The following BAHCC1 variants were observed in gnomAD, a reference collection of about 807,000 sequenced individuals.
BAHCC1 encodes BAH domain and coiled-coil containing 1, also known as BAH and coiled-coil domain-containing protein 1.
In BAHCC1, 43 loss-of-function variants were observed where a neutral mutation model predicts 88.2. The ratio of observed to expected loss-of-function variants is 0.49; its 90% CI spans 0.38 to 0.63. The LOEUF (loss-of-function observed/expected upper bound fraction) is 0.63. Among genes scored for constraint, BAHCC1 ranks in the 20% least tolerant of loss-of-function variants. BAHCC1 has a pLI of 0.00. For missense variants in BAHCC1, 3,023 were observed against 1,654.8 expected, an observed-to-expected ratio of 1.83 and a Z score of -14.34; for synonymous variants, 1,510 against 745.5, an observed-to-expected ratio of 2.03 and a Z score of -16.71.
intron 3 of BAHCC1, among the ~76,000 whole-genome samples, chr17:81,433,091 T>C (rs928659409): frequency 6.6e-6 from 1 of 151,312 alleles, no homozygotes; most frequent in East Asian, 2.0e-4. Flanking sequence ...CTGAGGCAGC[T>C]GTGGGTCACC....
At position 81,442,283 on chromosome 17, in the gene BAHCC1, A is replaced by T. The variant is rs12938890; in HGVS notation, c.934A>T (p.Thr312Ser). ...CAGGMLGRPG[T>S]GVVTSGRCAK... Reference sequence around the variant, plus strand: ...AGGGGGCATGCTGGGGCGGCCTGGCACGGGGGTGGTGACCTCCGGGCGCTG... The same window carrying T: ...AGGGGGCATGCTGGGGCGGCCTGGCTCGGGGGTGGTGACCTCCGGGCGCTG... The change falls in exon 5 of 28, where the codon ACG becomes TCG. Residue 312 changes from threonine (T) to serine (S), a missense_variant. Thr to Ser is a moderately conservative substitution (Grantham distance 58, BLOSUM62 1). Coordinates refer to ENST00000675386, the MANE Select transcript of BAHCC1 (RefSeq NM_001377448.1). 1.6e-6 allele frequency: 1 copy of T among 622,792 alleles called. No homozygotes were observed. The allele number at this position is 622,792 out of a possible 1,614,324, so 38.6% of individuals were successfully genotyped here.
At chr17:81,436,907 G>A (rs1176242146) in intron 3 of BAHCC1, among the ~76,000 whole-genome samples, 6 of 152,198 alleles carry the variant, frequency 3.9e-5, no homozygotes, top group African/African-American at 1.4e-4. Flanking sequence ...CGCCCTACAC[G>A]ACTCCAAATG....
chr17:81,455,532 C>T (rs782002239), intron 15 of BAHCC1, 142 bp downstream of exon 15: 34 of 606,968 alleles, frequency 5.6e-5, no homozygotes, highest in African/African-American at 1.3e-4. Flanking sequence ...CTCCGAGCGC[C>T]GACAGCAGGA....
intron 2 of BAHCC1, among the ~76,000 whole-genome samples, chr17:81,423,777 C>T (rs575812810): frequency 3.3e-5 from 5 of 152,346 alleles, no homozygotes; most frequent in East Asian, 1.9e-4. Flanking sequence ...GAGGCTCCCT[C>T]GGGCTGGCCT....
At position 81,442,708 on chromosome 17, in the gene BAHCC1, G is replaced by C. The variant is rs1555652925; in HGVS notation, c.1359G>C (p.Arg453=). 3.9e-6 allele frequency: 3 copies of C among 775,256 alleles called. No homozygotes were observed. The highest frequency in any genetic ancestry group is 2.3e-4 in the Middle Eastern group (1 of 4,426). 48.0% of individuals were successfully genotyped at this position (775,256 alleles called of 1,614,324 possible). A position where few individuals can be genotyped will look rare whatever the true frequency, so the allele number is the denominator to read the frequency against. ...HLKAEGKGER[R]PGGFEAALNP... ...AGGCCGAGGGCAAGGGCGAGCGGCG[G>C]CCTGGGGGCTTTGAGGCGGCCCTCA... The change falls in exon 5 of 28, where the codon CGG becomes CGC. Residue 453 remains arginine, a synonymous_variant. Transcript: ENST00000675386.
In BAHCC1 at chr17:81,447,275, T is replaced by C. The variant is rs1555654739; in HGVS notation, c.3403T>C (p.Tyr1135His). 1 of 715,624 alleles carries C rather than the reference T, an allele frequency of 1.4e-6. No homozygotes were observed. The highest frequency in any genetic ancestry group is 2.6e-6 in the Non-Finnish European group (1 of 389,692). The allele number at this position is 715,624 out of a possible 1,614,324, so 44.3% of individuals were successfully genotyped here. Reference sequence around the variant, plus strand: ...CACCCAGGACCTTGCCGCCACCCCCTACCCTACCGAGCGGGGACCCCAGGG... The same window carrying C: ...CACCCAGGACCTTGCCGCCACCCCCCACCCTACCGAGCGGGGACCCCAGGG... ...EATQDLAATP[Y>H]PTERGPQGKA... The change falls in exon 11 of 28, where the codon TAC becomes CAC. Residue 1135 changes from tyrosine (Y) to histidine (H), a missense_variant. Tyr to His is a moderately conservative substitution (Grantham distance 83). Transcript: ENST00000675386.
rs182331920 is a variant in BAHCC1, at chr17:81,443,424, C to T, written c.2075C>T (p.Thr692Met). The T allele has an allele frequency of 3.9e-4, 299 of 761,178 alleles. 1 individual carries two copies. The highest frequency in any genetic ancestry group is 3.7e-3 in the East Asian group (149 of 40,166). The allele number at this position is 761,178 out of a possible 1,614,324, so 47.2% of individuals were successfully genotyped here. The change falls in exon 5 of 28, where the codon ACG becomes ATG. Residue 692 changes from threonine to methionine, a missense_variant. Transcript: ENST00000675386. ...GCCCGCAGCAGGGAGCACGACACCA[C>T]GCACGGCGACGGGGAGGTGCGGCAG... ...DCARSREHDT[T>M]HGDGEVRQPP...
rs782011876 is a variant in BAHCC1, at chr17:81,457,383, A to G, written c.4859-27A>G. 5.3e-6 allele frequency: 4 copies of G among 753,664 alleles called. No individual in the cohort carries two copies. The South Asian group carries it at 5.7e-5, about 11-fold the overall frequency. 46.7% of individuals were successfully genotyped at this position (753,664 alleles called of 1,614,324 possible). On this transcript the variant is annotated intron_variant, in intron 16 of 27. Transcript: ENST00000675386. Reference sequence around the variant, plus strand: ...CAATGGCACAGCTTACCATCAAGTCATCAGGACCCCTCTGCCTCTCTCCCA... The same window carrying G: ...CAATGGCACAGCTTACCATCAAGTCGTCAGGACCCCTCTGCCTCTCTCCCA...
intron 3 of BAHCC1, among the ~76,000 whole-genome samples, chr17:81,431,069 G>A (rs1443135805): frequency 6.7e-6 from 1 of 149,748 alleles, no homozygotes; most frequent in African/African-American, 2.5e-5. Context: ...GGGGGTGGAG[G>A]GGACAGCGTG....
rs1555654965 is a variant in BAHCC1, at chr17:81,447,705, C to T, written c.3833C>T (p.Pro1278Leu). The change falls in exon 11 of 28, where the codon CCA (proline) becomes CTA (leucine). Residue 1278 changes from proline to leucine, a missense_variant. Pro to Leu is a moderately conservative substitution (Grantham distance 98, BLOSUM62 -3). Transcript: ENST00000675386. The part of the protein sequence containing the change: ...INLGDLPSDS[P>L]PDPQPPAASG... Reference sequence around the variant, plus strand: ...CTGGGGGACCTGCCCAGCGACAGCCCACCGGACCCTCAGCCCCCAGCGGCC... The same window carrying T: ...CTGGGGGACCTGCCCAGCGACAGCCTACCGGACCCTCAGCCCCCAGCGGCC... 1 of 734,794 alleles carries T rather than the reference C, an allele frequency of 1.4e-6. No homozygotes were observed. Among genetic ancestry groups the T allele is most frequent in the Non-Finnish European group, 2.5e-6 (1 of 395,430 alleles). 45.5% of individuals were successfully genotyped at this position (734,794 alleles called of 1,614,324 possible).
chr17:81,409,814 G>C (rs6565565), intron 2 of BAHCC1, among the ~76,000 whole-genome samples: 5 of 152,198 alleles, frequency 3.3e-5, no homozygotes, highest in East Asian at 3.9e-4. Flanking sequence ...GTGCCAGCGA[G>C]GGGGAGACCA....
chr17:81,453,467 C>T (rs555610007), intron 14 of BAHCC1, among the ~76,000 whole-genome samples: 3 of 152,348 alleles, frequency 2.0e-5, no homozygotes, highest in Admixed American at 6.5e-5. Context: ...CTAAATGGTT[C>T]CTTCAATTAA....
rs1041339613 is a variant in BAHCC1, at chr17:81,455,332, C to T, written c.4511C>T (p.Ala1504Val). The T allele has an allele frequency of 1.1e-5, 8 of 717,100 alleles. No homozygotes were observed. Among genetic ancestry groups the T allele is most frequent in the Middle Eastern group, 2.3e-4 (1 of 4,370 alleles). 44.4% of individuals were successfully genotyped at this position (717,100 alleles called of 1,614,324 possible). A position where few individuals can be genotyped will look rare whatever the true frequency, so the allele number is the denominator to read the frequency against. ...ELRGGSGGEP[A>V]KKRSKLERSV... The stretch of plus-strand genomic sequence containing the variant: ...CGAGGAGGCAGTGGGGGCGAGCCTG[C>T]GAAGAAGCGAAGCAAGCTGGAGAGG... Residue 1504 changes from alanine (A) to valine (V), a missense_variant, in exon 15 of 28, where the codon GCG becomes GTG. Physicochemically the swap from Ala to Val is moderately conservative, Grantham distance 64. Transcript: ENST00000675386.
At chr17:81,420,842 G>A (rs1245257250) in intron 2 of BAHCC1, among the ~76,000 whole-genome samples, 1 of 152,260 alleles carries the variant, frequency 6.6e-6, no homozygotes, top group Admixed American at 6.5e-5. Flanking sequence ...TGTGATGAGA[G>A]CTGATGGGAA....
intron 2 of BAHCC1, chr17:81,415,432 C>T (rs1294791692): frequency 2.4e-6 from 1 of 421,924 alleles, no homozygotes; most frequent in African/African-American, 2.1e-5. Context: ...CATACGTCCC[C>T]CTGGAAGGGT....
chr17:81,433,238 G>A (rs990290180), intron 3 of BAHCC1, among the ~76,000 whole-genome samples: 2 of 152,054 alleles, frequency 1.3e-5, no homozygotes, highest in Admixed American at 6.5e-5. Context: ...CTCATGTCCC[G>A]GGAGCTGCAC....
chr17:81,425,899 G>A (rs1290491800), intron 2 of BAHCC1, among the ~76,000 whole-genome samples: 3 of 148,890 alleles, frequency 2.0e-5, no homozygotes, highest in Admixed American at 1.3e-4. Flanking sequence ...GTGGTTGGTG[G>A]GTGATGTCAT....
intron 3 of BAHCC1, among the ~76,000 whole-genome samples, chr17:81,429,125 TG>T (rs1352308974): frequency 6.6e-6 from 1 of 152,074 alleles, no homozygotes; most frequent in Admixed American, 6.5e-5. Context: ...CCGTGTCAGG[TG>T]GGGGTGGGCA....
rs1555651623 is a variant in BAHCC1 at position 81,435,621 on chromosome 17, G to T, written c.359-2749G>T. 6.6e-6 allele frequency among the ~76,000 whole-genome samples: 1 copy of T among 152,180 alleles called. No homozygotes were observed. Among genetic ancestry groups the T allele is most frequent in the Non-Finnish European group, 1.5e-5 (1 of 68,014 alleles). On this transcript the variant is annotated intron_variant, in intron 3 of 27. Coordinates refer to ENST00000675386, the MANE Select transcript of BAHCC1 (RefSeq NM_001377448.1). This position sits in a 1 kb window ranked among gnomAD's most constrained non-coding sequence, Gnocchi z 4.4. ...TGCAGTTGAGGACCTCTGGCTCTGGGTTCATATGGCCCCAGACCCTGCTGG... is the reference window on the plus strand; with the variant it reads ...TGCAGTTGAGGACCTCTGGCTCTGGTTTCATATGGCCCCAGACCCTGCTGG...
Sources: allele counts gnomAD v4.1 joint callset (sites outside exome capture counted in the v4.1 genomes callset), GRCh38; gene constraint gnomAD v4.1.1; non-coding constraint Gnocchi (gnomAD v3.1); transcripts MANE v1.5; gene names NCBI Gene and HGNC (gene_info 2026-07-23, HGNC 2026-07-21).